Variants in NRXN3 observed in about 807,000 individuals in gnomAD.
NRXN3 encodes neurexin 3, also known as neurexin III.
In NRXN3, 32 loss-of-function variants were observed where a neutral mutation model predicts 137.6. The observed-to-expected ratio is 0.23, with a 90% CI of 0.18 to 0.31. The LOEUF is 0.31. Ranked by LOEUF, NRXN3 falls within the 10% of genes least tolerant of loss-of-function variation. The pLI is 1.00. For missense variants in NRXN3, 1,574 were observed against 2,062.5 expected, an observed-to-expected ratio of 0.76 and a Z score of 4.59; for synonymous variants, 798 against 784.5, an observed-to-expected ratio of 1.02 and a Z score of -0.29.
chr14:79,124,060 G>A (rs761263173), intron 15 of NRXN3, among the ~76,000 whole-genome samples: 2 of 152,040 alleles, frequency 1.3e-5, no homozygotes, highest in South Asian at 4.1e-4. Context: ...AGCACCTGAC[G>A]CCAATCAAAA....
At chr14:79,659,114 G>C (rs770728332) in intron 16 of NRXN3, among the ~76,000 whole-genome samples, 7 of 152,134 alleles carry the variant, frequency 4.6e-5, no homozygotes, top group African/African-American at 7.2e-5. Context: ...TGGGGAGCCA[G>C]GTGGGCTTAT....
intron 15 of NRXN3, among the ~76,000 whole-genome samples, chr14:79,305,565 A>T (rs1451623605): frequency 2.0e-5 from 3 of 152,128 alleles, no homozygotes; most frequent in African/African-American, 7.2e-5. Context: ...CATAGAAAGT[A>T]AATGACTTTG....
intron 4 of NRXN3, among the ~76,000 whole-genome samples, chr14:78,542,876 A>G (rs2096604355): frequency 6.6e-6 from 1 of 152,122 alleles, no homozygotes; most frequent in Non-Finnish European, 1.5e-5. Flanking sequence ...TACCTGTTGG[A>G]GTGCTTGAGT....
chr14:79,718,138 G>T (rs578043728), intron 19 of NRXN3, among the ~76,000 whole-genome samples: 4 of 152,296 alleles, frequency 2.6e-5, no homozygotes, highest in South Asian at 4.2e-4. Context: ...TGATGGGTGG[G>T]TAGGTAGTTT....
chr14:79,456,243 C>T lies in NRXN3; in HGVS notation c.3263-10978C>T, dbSNP rs567587404. Among the ~76,000 whole-genome samples, 5 of 152,178 alleles carry T rather than the reference C, an allele frequency of 3.3e-5. No homozygotes were observed. The South Asian group carries it at 1.0e-3, about 32-fold the overall frequency. On this transcript the variant is annotated intron_variant, in intron 15 of 20. Coordinates refer to ENST00000335750, the MANE Select transcript of NRXN3 (RefSeq NM_001330195.2). The stretch of plus-strand genomic sequence containing the variant: ...TGAATATGCTTCTTTGGTAAAATTC[C>T]TGAGTTGCTTATCACCCAATCATCA...
chr14:79,663,221 A>G (rs2098542475), intron 16 of NRXN3, among the ~76,000 whole-genome samples: 1 of 151,550 alleles, frequency 6.6e-6, no homozygotes, highest in African/African-American at 2.4e-5. Flanking sequence ...CTGCAGAACC[A>G]TTATGTGCAT....
intron 15 of NRXN3, among the ~76,000 whole-genome samples, chr14:79,262,311 C>T (rs75741466): frequency 0.014 from 2,045 of 146,408 alleles, 53 homozygotes; most frequent in African/African-American, 0.049. Context: ...TTCTGAGATA[C>T]TAGAAAAAAA....
At chr14:78,490,072 G>A (rs1408371154) in intron 4 of NRXN3, among the ~76,000 whole-genome samples, 26 of 152,152 alleles carry the variant, frequency 1.7e-4, no homozygotes, top group African/African-American at 2.9e-4. Flanking sequence ...ATGCCACCAT[G>A]CCTGGCTAAT....
chr14:78,497,893 GTTAA>G (rs2095815239), intron 4 of NRXN3, among the ~76,000 whole-genome samples: 1 of 152,158 alleles, frequency 6.6e-6, no homozygotes, highest in South Asian at 2.1e-4. Context: ...GGATCACAAA[GTTAA>G]TTAATTCAAG....
chr14:78,937,185 G>GA lies in NRXN3; in HGVS notation c.2276-20040dup, dbSNP rs199876825. 8.7e-3 allele frequency among the ~76,000 whole-genome samples: 854 copies of GA among 98,374 alleles called. 8 individuals are homozygous for GA. Among genetic ancestry groups the GA allele is most frequent in the African/African-American group, 0.012 (393 of 32,118 alleles). The allele number at this position is 98,374 out of a possible 152,430, so 64.5% of individuals were successfully genotyped here. A position where few individuals can be genotyped will look rare whatever the true frequency, so the allele number is the denominator to read the frequency against. On this transcript the variant is annotated intron_variant, in intron 10 of 20. Coordinates refer to ENST00000335750, the MANE Select transcript of NRXN3 (RefSeq NM_001330195.2). ...TGCAGTAAGTCCAGATCGTGCCATTGAAAAAAAAAAAAAAAAAGAAACAAA... is the reference window on the plus strand; with the variant it reads ...TGCAGTAAGTCCAGATCGTGCCATTGAAAAAAAAAAAAAAAAAAGAAACAAA...
At chr14:79,255,299 C>T (rs886575603) in intron 15 of NRXN3, among the ~76,000 whole-genome samples, 3 of 152,192 alleles carry the variant, frequency 2.0e-5, no homozygotes, top group Non-Finnish European at 4.4e-5. Context: ...AAACCTTCTC[C>T]ATAATAGGCC....
rs2099641342 is a variant in NRXN3, at chr14:79,051,168, T to C, written c.3262+63027T>C. Reference sequence around the variant, plus strand: ...GTTCTAGCAGCCACACAGTAATTGCTCTGACCTATCTCCTTTCTACAGGAA... The same window carrying C: ...GTTCTAGCAGCCACACAGTAATTGCCCTGACCTATCTCCTTTCTACAGGAA... On this transcript the variant is annotated intron_variant, in intron 15 of 20. Coordinates refer to ENST00000335750, the MANE Select transcript of NRXN3 (RefSeq NM_001330195.2). Among the ~76,000 whole-genome samples, 3 of 152,158 alleles carry C rather than the reference T, an allele frequency of 2.0e-5. No homozygotes were observed. The South Asian group carries it at 6.2e-4, about 31-fold the overall frequency.
chr14:79,378,968 AG>A, intron 15 of NRXN3, among the ~76,000 whole-genome samples: 1 of 151,626 alleles, frequency 6.6e-6, no homozygotes, highest in East Asian at 1.9e-4. Flanking sequence ...GATTGATTGT[AG>A]GGACTAAAGA....
intron 16 of NRXN3, among the ~76,000 whole-genome samples, chr14:79,652,780 A>T (rs1171047858): frequency 6.6e-6 from 1 of 151,858 alleles, no homozygotes; most frequent in Non-Finnish European, 1.5e-5. Flanking sequence ...TGTCCAGATC[A>T]TTCTCCCCTA....
chr14:79,104,825 CT>C (rs34769633), intron 15 of NRXN3, among the ~76,000 whole-genome samples: 158 of 144,148 alleles, frequency 1.1e-3, no homozygotes, highest in Middle Eastern at 7.2e-3. Context: ...TATGATAGGG[CT>C]TTTTTTTTTT....
chr14:78,396,854 T>C (rs1461740494), intron 4 of NRXN3, among the ~76,000 whole-genome samples: 39 of 152,142 alleles, frequency 2.6e-4, no homozygotes, highest in Admixed American at 2.4e-3. Flanking sequence ...ACAATAGAAA[T>C]TTATTTTCTC....
intron 15 of NRXN3, among the ~76,000 whole-genome samples, chr14:79,445,462 C>T (rs1222870653): frequency 1.3e-5 from 2 of 152,138 alleles, no homozygotes; most frequent in Non-Finnish European, 2.9e-5. Flanking sequence ...GGCAGCCAGA[C>T]ATCAATTCTC....
intron 4 of NRXN3, among the ~76,000 whole-genome samples, chr14:78,459,454 C>G (rs1396763793): frequency 6.6e-6 from 1 of 152,162 alleles, no homozygotes; most frequent in African/African-American, 2.4e-5. Context: ...AGCCTCTCGT[C>G]CTGCTCCAAC....
intron 8 of NRXN3, among the ~76,000 whole-genome samples, chr14:78,756,018 A>G (rs1162054255): frequency 6.6e-6 from 1 of 152,222 alleles, no homozygotes; most frequent in Admixed American, 6.5e-5. Flanking sequence ...CATGGAAAGT[A>G]TGAGAGATAT....
Sources: gnomAD v4.1 joint callset for allele counts (sites outside exome capture counted in the v4.1 genomes callset) on GRCh38, gnomAD v4.1.1 for gene constraint, MANE v1.5 for transcripts, NCBI Gene and HGNC (gene_info 2026-07-23, HGNC 2026-07-21) for gene names.